PPARD: variants seen among roughly 807,000 people sequenced by gnomAD.
PPARD encodes peroxisome proliferator activated receptor delta, also known as peroxisome proliferator-activated receptor delta.
In PPARD, 6 loss-of-function variants were observed where a neutral mutation model predicts 39.5. The observed-to-expected ratio is 0.15, with a 90% confidence interval of 0.08 to 0.30. The LOEUF is 0.30. PPARD is among the 10% of genes least tolerant of loss of function. The pLI, the probability that PPARD is intolerant of heterozygous loss-of-function variation, is 1.00. For synonymous variants in PPARD, 210 were observed against 231.3 expected (o/e 0.91, Z 0.83); for missense variants, 397 against 596.8 (o/e 0.67, Z 3.49).
rs183071905 is a variant in PPARD, at chr6:35,388,215, T to C, written c.-101-22772T>C. Reference sequence around the variant, plus strand: ...AGGAGGAAGTGAGAGGAGTTGGGGCTCATTTAATGCAGACTAAAACAGGAT... The same window carrying C: ...AGGAGGAAGTGAGAGGAGTTGGGGCCCATTTAATGCAGACTAAAACAGGAT... On this transcript the variant is annotated intron_variant, in intron 2 of 7. Transcript: ENST00000360694. Among the ~76,000 whole-genome samples, 31 of 152,180 alleles carry C rather than the reference T, an allele frequency of 2.0e-4. 1 individual carries two copies. In the South Asian group the frequency reaches 3.3e-3, roughly 16 times the overall value.
At chr6:35,376,975 A>C (rs547069566) in intron 2 of PPARD, among the ~76,000 whole-genome samples, 1 of 151,166 alleles carries the variant, frequency 6.6e-6, no homozygotes, top group East Asian at 1.9e-4. Flanking sequence ...AGCTGAGATC[A>C]CGCCACTGCA....
At chr6:35,367,443 G>A (rs78852994) in intron 2 of PPARD, among the ~76,000 whole-genome samples, 251 of 152,274 alleles carry the variant, frequency 1.6e-3, no homozygotes, top group African/African-American at 5.8e-3. Context: ...GTTCACTTCT[G>A]TTGAAACTCA....
intron 2 of PPARD, among the ~76,000 whole-genome samples, chr6:35,358,617 T>G (rs1049877019): frequency 6.6e-6 from 1 of 152,178 alleles, no homozygotes; most frequent in Admixed American, 6.5e-5. Flanking sequence ...ATCTGCACTT[T>G]GGGGGAACCT....
intron 2 of PPARD, among the ~76,000 whole-genome samples, chr6:35,352,893 TAC>T (rs1223049207): frequency 6.6e-6 from 1 of 152,196 alleles, no homozygotes; most frequent in Non-Finnish European, 1.5e-5. Flanking sequence ...CCTTGGAAGT[TAC>T]ACAGTGCCAC....
intron 2 of PPARD, among the ~76,000 whole-genome samples, chr6:35,406,124 C>T (rs1267722192): frequency 4.6e-5 from 7 of 152,092 alleles, no homozygotes; most frequent in Non-Finnish European, 2.9e-5. Flanking sequence ...CAGGGTTTTG[C>T]CATGTTGCCC....
intron 2 of PPARD, chr6:35,348,922 A>G (rs1032005609): frequency 2.0e-6 from 2 of 985,306 alleles, no homozygotes; most frequent in Non-Finnish European, 2.4e-6. Context: ...AGCAGCAGCC[A>G]GGCCCAGTGG....
intron 3 of PPARD, among the ~76,000 whole-genome samples, chr6:35,419,686 A>G (rs946375229): frequency 5.3e-5 from 8 of 152,168 alleles, no homozygotes; most frequent in Non-Finnish European, 8.8e-5. Context: ...TCTGCAAAAC[A>G]CGTTGCACAC....
intron 2 of PPARD, among the ~76,000 whole-genome samples, chr6:35,384,446 GCC>G (rs1332765395): frequency 2.0e-5 from 2 of 99,396 alleles, no homozygotes; most frequent in South Asian, 3.3e-4. Context: ...GGCGGGGTCA[GCC>G]CCCCGCCCGG....
At chr6:35,403,611 G>A (rs1399536162) in intron 2 of PPARD, among the ~76,000 whole-genome samples, 2 of 152,170 alleles carry the variant, frequency 1.3e-5, no homozygotes, top group African/African-American at 2.4e-5. Context: ...CCAGGTGCTG[G>A]GACCTACCTC....
At chr6:35,407,301 G>A (rs1050517810) in intron 2 of PPARD, among the ~76,000 whole-genome samples, 1 of 151,944 alleles carries the variant, frequency 6.6e-6, no homozygotes, top group Non-Finnish European at 1.5e-5. Flanking sequence ...ACGCCACATG[G>A]GTCCAAAAAC....
In PPARD at chr6:35,424,048, A is replaced by C. The variant is rs753578566; in HGVS notation, c.527A>C (p.Lys176Thr). 1 of 1,614,202 alleles carries C rather than the reference A, an allele frequency of 6.2e-7. No individual in the cohort carries two copies. Among genetic ancestry groups the C allele is most frequent in the South Asian group, 1.1e-5 (1 of 91,088 alleles). Residue 176 changes from lysine (K) to threonine (T), a missense_variant, in exon 6 of 8, where the codon AAG becomes ACG. Physicochemically the swap from Lys to Thr is moderately conservative, Grantham distance 78. Transcript: ENST00000360694. The surrounding 1 kb of genome is among the most constrained non-coding windows in gnomAD (Gnocchi z 7.1). ...TACAACCCACAGGTGGCCGACCTGA[A>C]GGCCTTCTCCAAGCACATCTACAAT... ...SQYNPQVADLKAFSKHIYNAY... is the reference protein window; with the variant it reads ...SQYNPQVADLTAFSKHIYNAY...
rs1174746588 is a variant in PPARD at position 35,412,252 on chromosome 6, T to TC, written c.130+1036dup. 1.3e-5 allele frequency among the ~76,000 whole-genome samples: 2 copies of TC among 152,114 alleles called. No homozygotes were observed. Among genetic ancestry groups the TC allele is most frequent in the African/African-American group, 4.8e-5 (2 of 41,424 alleles). On this transcript the variant is annotated intron_variant, in intron 3 of 7. Transcript: ENST00000360694. The surrounding 1 kb of genome is among the most constrained non-coding windows in gnomAD (Gnocchi z 4.1). ...GGCCTGATCCCTCTGCTTCTTGCTT[T>TC]CTCCCACCACTTCTCTCCTTACCCA...
intron 2 of PPARD, among the ~76,000 whole-genome samples, chr6:35,357,836 C>G (rs1174515515): frequency 6.6e-6 from 1 of 152,172 alleles, no homozygotes; most frequent in African/African-American, 2.4e-5. Context: ...CATGCCTGGC[C>G]TGCTGCCTAT....
chr6:35,356,866 T>C (rs1444372983), intron 2 of PPARD, among the ~76,000 whole-genome samples: 1 of 152,246 alleles, frequency 6.6e-6, no homozygotes, highest in East Asian at 1.9e-4. Context: ...ATATTGTTCT[T>C]ACATTAGAAG....
Position 35,424,651 on chromosome 6 carries a change from T to C in PPARD, c.950T>C (p.Leu317Pro). The C allele has an allele frequency of 1.2e-6, 2 of 1,614,258 alleles. No individual in the cohort carries two copies. The highest frequency in any genetic ancestry group is 1.7e-6 in the Non-Finnish European group (2 of 1,180,052). Residue 317 changes from leucine to proline, a missense_variant, in exon 7 of 8, where the codon CTG becomes CCG. Physicochemically the swap from Leu to Pro is moderately conservative, Grantham distance 98. Coordinates refer to ENST00000360694, the MANE Select transcript of PPARD (RefSeq NM_006238.5). The surrounding 1 kb of genome is among the most constrained non-coding windows in gnomAD (Gnocchi z 7.1). ...NGSGFVTREF[L>P]RSLRKPFSDI... ...AGTGGCTTTGTCACCCGTGAGTTCC[T>C]GCGCAGCCTCCGCAAACCCTTCAGT...
intron 2 of PPARD, among the ~76,000 whole-genome samples, chr6:35,379,636 T>C (rs1763024984): frequency 6.6e-6 from 1 of 152,232 alleles, no homozygotes; most frequent in Non-Finnish European, 1.5e-5. Flanking sequence ...CCAACAGTAA[T>C]GCTGTCTGAT....
chr6:35,404,953 TTGTGTGTGTG>T lies in PPARD; in HGVS notation c.-101-5996_-101-5987del, dbSNP rs59359748. The stretch of plus-strand genomic sequence containing the variant: ...GGGGGCTGCATGTGCACTGCAGGCT[TTGTGTGTGTG>T]TGTGTGTGTGTGTGTGTGTGTGTGT... On this transcript the variant is annotated intron_variant, in intron 2 of 7. Coordinates refer to ENST00000360694, the MANE Select transcript of PPARD (RefSeq NM_006238.5). Among the ~76,000 whole-genome samples, 954 of 142,210 alleles carry T rather than the reference TTGTGTGTGTG, an allele frequency of 6.7e-3. 10 individuals carry two copies. The highest frequency in any genetic ancestry group is 0.048 in the South Asian group (210 of 4,400). 93.3% of individuals were successfully genotyped at this position (142,210 alleles called of 152,430 possible).
Position 35,406,908 on chromosome 6 carries a change from C to T in PPARD, c.-101-4079C>T, listed in dbSNP as rs114439569. 1.3e-3 allele frequency among the ~76,000 whole-genome samples: 203 copies of T among 152,288 alleles called. 2 individuals are homozygous for T. The highest frequency in any genetic ancestry group is 4.1e-3 in the African/African-American group (170 of 41,562). The stretch of plus-strand genomic sequence containing the variant: ...AGTCCTGCTGTGTCCGAAGCTCTGC[C>T]GTTTTCTGCTTCGTCCTCTAGCATG... On this transcript the variant is annotated intron_variant, in intron 2 of 7. Transcript: ENST00000360694.
intron 2 of PPARD, 62 bp from the exon 3 acceptor site, chr6:35,410,925 C>A: frequency 8.0e-7 from 1 of 1,254,396 alleles, no homozygotes; most frequent in South Asian, 3.7e-5. Flanking sequence ...GTGCCCCACT[C>A]GCACCATCCT....
Sources: gnomAD v4.1 joint callset for allele counts (sites outside exome capture counted in the v4.1 genomes callset) on GRCh38, gnomAD v4.1.1 for gene constraint, Gnocchi (gnomAD v3.1) non-coding constraint, MANE v1.5 for transcripts, NCBI Gene and HGNC (gene_info 2026-07-23, HGNC 2026-07-21) for gene names.